The following SORCS1 variants were observed in gnomAD, a reference collection of about 807,000 sequenced individuals.
SORCS1 encodes the protein sortilin related VPS10 domain containing receptor 1, also known as VPS10 domain-containing receptor SorCS1.
Under a neutral mutation model 146.1 loss-of-function variants are expected in SORCS1, and 60 were observed. The observed-to-expected ratio is 0.41, with a 90% confidence interval of 0.33 to 0.51. The LOEUF is 0.51. SORCS1 is among the 20% of genes least tolerant of loss of function. The pLI is 0.21. For missense variants in SORCS1, 1,352 were observed against 1,487.6 expected (o/e 0.91, Z 1.50); for synonymous variants, 637 against 584.0 (o/e 1.09, Z -1.31).
chr10:106,773,712 G>A (rs900517919), intron 4 of SORCS1, among the ~76,000 whole-genome samples: 4 of 152,172 alleles, frequency 2.6e-5, no homozygotes, highest in Non-Finnish European at 4.4e-5. Context: ...CACTTTGGGA[G>A]GCCAAGGTGG....
intron 1 of SORCS1, among the ~76,000 whole-genome samples, chr10:107,072,550 C>T (rs1962522723): frequency 6.6e-6 from 1 of 151,934 alleles, no homozygotes; most frequent in Non-Finnish European, 1.5e-5. Flanking sequence ...TACACACATA[C>T]ATGTATTTAT....
intron 2 of SORCS1, among the ~76,000 whole-genome samples, chr10:106,929,921 G>C (rs1038479212): frequency 1.3e-5 from 2 of 152,236 alleles, no homozygotes; most frequent in African/African-American, 4.8e-5. Flanking sequence ...CTTGCTAACA[G>C]AGAATGGATG....
intron 20 of SORCS1, among the ~76,000 whole-genome samples, chr10:106,619,761 G>A (rs1426377502): frequency 1.3e-5 from 2 of 152,282 alleles, no homozygotes; most frequent in Admixed American, 6.5e-5. Context: ...CTTTTCTCAT[G>A]TGCAAAATGA....
chr10:107,162,197 A>G (rs1969763978), intron 1 of SORCS1, among the ~76,000 whole-genome samples: 1 of 152,242 alleles, frequency 6.6e-6, no homozygotes, highest in African/African-American at 2.4e-5. Flanking sequence ...ATGAGCTAAA[A>G]GAAGAGGTCT....
At chr10:106,836,727 T>A (rs1429586245) in intron 2 of SORCS1, among the ~76,000 whole-genome samples, 1 of 149,862 alleles carries the variant, frequency 6.7e-6, no homozygotes, top group Non-Finnish European at 1.5e-5. Flanking sequence ...CCAGGGAAAA[T>A]TGATTAAATA....
intron 5 of SORCS1, among the ~76,000 whole-genome samples, chr10:106,759,887 AAAT>A (rs2136238987): frequency 6.8e-6 from 1 of 147,022 alleles, no homozygotes; most frequent in South Asian, 2.3e-4. Context: ...AGTTAACTAA[AAAT>A]AATGATATAT....
chr10:106,681,024 G>C (rs549036605), intron 10 of SORCS1, among the ~76,000 whole-genome samples: 257 of 152,192 alleles, frequency 1.7e-3, no homozygotes, highest in Non-Finnish European at 3.1e-3. Context: ...ACAAATGATT[G>C]GTTTTGCATA....
At chr10:107,017,352 TATAA>T (rs1320347816) in intron 1 of SORCS1, among the ~76,000 whole-genome samples, 1 of 152,132 alleles carries the variant, frequency 6.6e-6, no homozygotes, top group Non-Finnish European at 1.5e-5. Flanking sequence ...AAATAACCAA[TATAA>T]ATAAATCTCA....
chr10:106,682,663 T>C (rs1852528217), intron 10 of SORCS1, among the ~76,000 whole-genome samples: 1 of 152,218 alleles, frequency 6.6e-6, no homozygotes, highest in African/African-American at 2.4e-5. Flanking sequence ...TTGCCCAGGC[T>C]GGGGGCACAT....
chr10:106,818,140 A>T (rs1228952162), intron 3 of SORCS1, among the ~76,000 whole-genome samples: 1 of 152,208 alleles, frequency 6.6e-6, no homozygotes, highest in Non-Finnish European at 1.5e-5. Flanking sequence ...ATCTCTTCTT[A>T]ATATTATACC....
intron 2 of SORCS1, among the ~76,000 whole-genome samples, chr10:106,893,704 A>G (rs1018032337): frequency 1.3e-5 from 2 of 152,194 alleles, no homozygotes; most frequent in African/African-American, 4.8e-5. Flanking sequence ...CTTTTGTAGA[A>G]GATTCACAGG....
intron 2 of SORCS1, among the ~76,000 whole-genome samples, chr10:106,949,575 A>G (rs1954566224): frequency 6.6e-6 from 1 of 152,222 alleles, no homozygotes; most frequent in South Asian, 2.1e-4. Context: ...ATGATGCGTA[A>G]TGGCCACGAA....
intron 2 of SORCS1, among the ~76,000 whole-genome samples, chr10:106,844,445 C>A (rs1167618634): frequency 1.3e-5 from 2 of 151,644 alleles, no homozygotes; most frequent in African/African-American, 2.4e-5. Context: ...GGTTTCAGGA[C>A]TTATGTTTAA....
chr10:106,877,484 G>A (rs1001996946), intron 2 of SORCS1, among the ~76,000 whole-genome samples: 8 of 152,164 alleles, frequency 5.3e-5, no homozygotes. Flanking sequence ...AGTGAGTTAT[G>A]ATTGTGTCAC....
At chr10:107,035,262 C>CA (rs201009614) in intron 1 of SORCS1, among the ~76,000 whole-genome samples, 309 of 27,980 alleles carry the variant, frequency 0.011, 4 homozygotes, top group East Asian at 0.031. Context: ...AGTGAAGCTT[C>CA]AAAAAAAAAA....
chr10:106,925,020 T>G (rs528834904), intron 2 of SORCS1, among the ~76,000 whole-genome samples: 1 of 148,482 alleles, frequency 6.7e-6, no homozygotes, highest in African/African-American at 2.4e-5. Context: ...TCAAAAATTA[T>G]TTTAAAAATA....
chr10:107,105,540 C>T (rs1376184817), intron 1 of SORCS1, among the ~76,000 whole-genome samples: 1 of 152,124 alleles, frequency 6.6e-6, no homozygotes, highest in Non-Finnish European at 1.5e-5. Flanking sequence ...GTGCCCCTGG[C>T]AAATCACTGG....
intron 1 of SORCS1, among the ~76,000 whole-genome samples, chr10:107,000,227 T>C (rs1049464915): frequency 3.3e-5 from 5 of 152,154 alleles, no homozygotes; most frequent in African/African-American, 1.2e-4. Flanking sequence ...CACCCAGCAG[T>C]TGATGTCAAA....
At chr10:106,726,301 A>G (rs1589747040) in intron 6 of SORCS1, among the ~76,000 whole-genome samples, 1 of 140,416 alleles carries the variant, frequency 7.1e-6, no homozygotes, top group South Asian at 2.3e-4. Context: ...TAACTTTTCA[A>G]ATTAAATCCT....
Sources: allele counts gnomAD v4.1 joint callset (sites outside exome capture counted in the v4.1 genomes callset), GRCh38; gene constraint gnomAD v4.1.1; transcripts MANE v1.5; gene names NCBI Gene and HGNC (gene_info 2026-07-23, HGNC 2026-07-21).